IPO7: variants seen among roughly 807,000 people sequenced by gnomAD.
The protein encoded by IPO7 is importin-7.
In IPO7, 13 loss-of-function variants were observed where a neutral mutation model predicts 136.4. The ratio of observed to expected loss-of-function variants is 0.10; its 90% CI spans 0.06 to 0.15. The LOEUF (loss-of-function observed/expected upper bound fraction) is 0.15. IPO7 is among the 10% of genes least tolerant of loss of function. The pLI is 1.00. For synonymous variants in IPO7, 403 were observed against 404.4 expected, an observed-to-expected ratio of 1.00 and a Z score of 0.04; for missense variants, 857 against 1,240.6, an observed-to-expected ratio of 0.69 and a Z score of 4.65.
chr11:9,387,619 GT>G (rs1854569530), intron 1 of IPO7, among the ~76,000 whole-genome samples: 4 of 152,230 alleles, frequency 2.6e-5, no homozygotes. Flanking sequence ...ATCACTTGAG[GT>G]TGGGAGTTTG....
Position 9,423,094 on chromosome 11 carries a change from G to A in IPO7, c.995G>A (p.Gly332Glu). The A allele has an allele frequency of 6.3e-7, 1 of 1,594,670 alleles. No individual in the cohort carries two copies. Among genetic ancestry groups the A allele is most frequent in the East Asian group, 2.2e-5 (1 of 44,680 alleles). The change falls in exon 9 of 25, where the codon GGA becomes GAA. Residue 332 changes from glycine to glutamate, a missense_variant. Gly to Glu is a moderately conservative substitution (Grantham distance 98). Transcript: ENST00000379719. ...LQQTLNYINQGVSHALTWKNL... is the reference protein window; with the variant it reads ...LQQTLNYINQEVSHALTWKNL... The stretch of plus-strand genomic sequence containing the variant: ...CAGACATTAAATTATATTAATCAAG[G>A]AGTTTCTCATGCTCTCACCTGGAAG...
rs376160620 is a variant in IPO7, at chr11:9,408,643, T to C, written c.320+4T>C. The C allele has an allele frequency of 1.2e-4, 183 of 1,549,614 alleles. 1 individual carries two copies. In the Middle Eastern group the frequency reaches 1.6e-3, roughly 13 times the overall value. ...TCCATTCTCCTGAGCTCATCAGGTATGTATTTTTAAAATTTACCCATTTCT... is the reference window on the plus strand; with the variant it reads ...TCCATTCTCCTGAGCTCATCAGGTACGTATTTTTAAAATTTACCCATTTCT... On this transcript the variant is annotated splice_donor_region_variant and intron_variant, in intron 3 of 24. Transcript: ENST00000379719.
rs1036807354 is a variant in IPO7 at position 9,447,192 on chromosome 11, A to G, written c.*1998A>G. 5 of 152,128 alleles carry G rather than the reference A, an allele frequency of 3.3e-5. No individual in the cohort carries two copies. The East Asian group carries it at 9.6e-4, about 29-fold the overall frequency. 9.4% of individuals were successfully genotyped at this position (152,128 alleles called of 1,614,324 possible). On this transcript the variant is annotated 3_prime_UTR_variant, in exon 25 of 25. Coordinates refer to ENST00000379719, the MANE Select transcript of IPO7 (RefSeq NM_006391.3). The stretch of plus-strand genomic sequence containing the variant: ...TTTTGAATTCATAATTCTAATTTTC[A>G]CATTATTGTTAATGGAAAATCATAT...
At chr11:9,394,201 A>G (rs181633929) in intron 1 of IPO7, among the ~76,000 whole-genome samples, 19 of 152,136 alleles carry the variant, frequency 1.2e-4, no homozygotes, top group African/African-American at 4.1e-4. Flanking sequence ...ATTATTATTA[A>G]TTTTCCACGC....
chr11:9,447,700 C>G lies in IPO7; in HGVS notation c.*2506C>G, dbSNP rs773993800. Reference sequence around the variant, plus strand: ...ATTTTGTGTGGATTTCAGTATTTGTCTTTGTTAATGGCACATATTAGCATA... The same window carrying G: ...ATTTTGTGTGGATTTCAGTATTTGTGTTTGTTAATGGCACATATTAGCATA... On this transcript the variant is annotated 3_prime_UTR_variant, in exon 25 of 25. Coordinates refer to ENST00000379719, the MANE Select transcript of IPO7 (RefSeq NM_006391.3). 15 of 151,356 alleles carry G rather than the reference C, an allele frequency of 9.9e-5. No individual in the cohort carries two copies. The highest frequency in any genetic ancestry group is 1.9e-4 in the Non-Finnish European group (13 of 67,860). 9.4% of individuals were successfully genotyped at this position (151,356 alleles called of 1,614,324 possible).
intron 2 of IPO7, among the ~76,000 whole-genome samples, chr11:9,404,850 G>A (rs1026524364): frequency 3.9e-5 from 6 of 152,148 alleles, no homozygotes; most frequent in African/African-American, 1.2e-4. Flanking sequence ...ACAGGCGTGA[G>A]CCACCGCGCC....
chr11:9,432,984 A>G (rs12271897), intron 16 of IPO7, among the ~76,000 whole-genome samples: 60,646 of 139,942 alleles, frequency 0.43, 14,098 homozygotes, highest in Non-Finnish European at 0.5. Context: ...GCTATCTTCC[A>G]AATGGTTTTT....
rs183200178 is a variant in IPO7 at position 9,444,197 on chromosome 11, G to A, written c.3020-900G>A. ...GGAAGCAGAGGCAGGAGAATCGCTC[G>A]AACCTGGGAGGCAGAGGTTGCAGTG... On this transcript the variant is annotated intron_variant, in intron 24 of 24. Transcript: ENST00000379719. Among the ~76,000 whole-genome samples, 98 of 150,794 alleles carry A rather than the reference G, an allele frequency of 6.5e-4. 2 individuals are homozygous for A. Among genetic ancestry groups the A allele is most frequent in the African/African-American group, 2.0e-3 (83 of 41,122 alleles).
At chr11:9,389,303 C>T (rs1469900762) in intron 1 of IPO7, among the ~76,000 whole-genome samples, 1 of 152,148 alleles carries the variant, frequency 6.6e-6, no homozygotes, top group African/African-American at 2.4e-5. Context: ...CTCACCTTGG[C>T]CTCCCAAAGT....
rs1244588095 is a variant in IPO7, at chr11:9,419,559, AAT to A, written c.727-825_727-824del. 9.0e-3 allele frequency among the ~76,000 whole-genome samples: 1,052 copies of A among 116,758 alleles called. 20 individuals carry two copies. The highest frequency in any genetic ancestry group is 0.029 in the African/African-American group (770 of 26,618). The allele number at this position is 116,758 out of a possible 152,430, so 76.6% of individuals were successfully genotyped here. A position where few individuals can be genotyped will look rare whatever the true frequency, so the allele number is the denominator to read the frequency against. ...GAGACTCTGTCTAAAAAAAAAAAAA[AAT>A]ATATATATATATATATATATATATA... On this transcript the variant is annotated intron_variant, in intron 6 of 24. Coordinates refer to ENST00000379719, the MANE Select transcript of IPO7 (RefSeq NM_006391.3).
chr11:9,428,732 C>A, intron 13 of IPO7, 103 bp downstream of exon 13: 1 of 811,260 alleles, frequency 1.2e-6, no homozygotes, highest in Non-Finnish European at 2.2e-6. Context: ...AAGCCTGTGT[C>A]TTATTTTAGG....
intron 15 of IPO7, 56 bp from the exon 16 acceptor site, chr11:9,430,818 CA>C (rs759166329): frequency 8.5e-6 from 13 of 1,525,402 alleles, no homozygotes; most frequent in Non-Finnish European, 1.2e-5. Context: ...AGTCTTAGAC[CA>C]AAACATATTT....
chr11:9,429,243 G>C (rs376481223), intron 14 of IPO7, 47 bp downstream of exon 14: 9 of 1,498,366 alleles, frequency 6.0e-6, no homozygotes, highest in African/African-American at 2.8e-5. Flanking sequence ...GGCCAGGTGC[G>C]GTAGGTCACA....
intron 1 of IPO7, among the ~76,000 whole-genome samples, chr11:9,390,190 C>G (rs993050810): frequency 3.3e-5 from 5 of 152,134 alleles, no homozygotes; most frequent in African/African-American, 1.2e-4. Flanking sequence ...CGTGCCCGGC[C>G]TAATGGTTTT....
intron 8 of IPO7, among the ~76,000 whole-genome samples, chr11:9,421,543 G>T (rs1008289335): frequency 4.0e-5 from 6 of 151,266 alleles, no homozygotes; most frequent in Non-Finnish European, 8.8e-5. Flanking sequence ...CAGGAGAATG[G>T]CTTGAACCCA....
chr11:9,398,633 A>G (rs1193110464), intron 1 of IPO7, among the ~76,000 whole-genome samples: 1 of 152,216 alleles, frequency 6.6e-6, no homozygotes, highest in Non-Finnish European at 1.5e-5. Context: ...ATACATATCT[A>G]TGGGATACAG....
At chr11:9,440,423 G>C (rs893385876) in intron 22 of IPO7, 32 bp from the exon 23 acceptor site, 9 of 1,534,550 alleles carry the variant, frequency 5.9e-6, no homozygotes, top group Non-Finnish European at 8.1e-6. Context: ...ATATGTCATT[G>C]TTATAAAAGT....
chr11:9,388,147 C>CA (rs1854578194), intron 1 of IPO7, among the ~76,000 whole-genome samples: 1 of 150,528 alleles, frequency 6.6e-6, no homozygotes, highest in Non-Finnish European at 1.5e-5. Flanking sequence ...AACTGCGTCT[C>CA]AAAAAATAAA....
intron 14 of IPO7, among the ~76,000 whole-genome samples, 158 bp from the exon 15 acceptor site, chr11:9,429,516 T>C (rs992525554): frequency 2.0e-5 from 3 of 151,662 alleles, no homozygotes; most frequent in Admixed American, 1.3e-4. Context: ...ATAAAATATA[T>C]ATATATATAT....
Sources: gnomAD v4.1 joint callset for allele counts (sites outside exome capture counted in the v4.1 genomes callset) on GRCh38, gnomAD v4.1.1 for gene constraint, MANE v1.5 for transcripts, NCBI Gene and HGNC (gene_info 2026-07-23, HGNC 2026-07-21) for gene names.